The following CEP250 variants were observed in gnomAD, a reference collection of about 807,000 sequenced individuals.
The protein encoded by CEP250 is centrosomal protein 250, also known as centrosome-associated protein CEP250.
Under a neutral mutation model 315.7 loss-of-function variants are expected in CEP250, and 242 were observed. The observed-to-expected ratio is 0.77, with a 90% CI of 0.69 to 0.85. CEP250 has a LOEUF of 0.85. CEP250 is among the 40% of genes least tolerant of loss of function. The pLI, the probability that CEP250 is intolerant of heterozygous loss-of-function variation, is 0.00. For synonymous variants in CEP250, 1,088 were observed against 1,175.0 expected, an observed-to-expected ratio of 0.93 and a Z score of 1.51; for missense variants, 2,515 against 2,886.4, an observed-to-expected ratio of 0.87 and a Z score of 2.95.
chr20:35,491,550 C>G (rs1189002114), intron 22 of CEP250, among the ~76,000 whole-genome samples: 1 of 152,004 alleles, frequency 6.6e-6, no homozygotes, highest in Non-Finnish European at 1.5e-5. Context: ...GGGTGGATCA[C>G]CTAAGGTCAG....
At position 35,504,487 on chromosome 20, in the gene CEP250, C is replaced by G. The variant is rs1336509802; in HGVS notation, c.6118C>G (p.Leu2040Val). 1.2e-6 allele frequency: 2 copies of G among 1,613,594 alleles called. No homozygotes were observed. Among genetic ancestry groups the G allele is most frequent in the Non-Finnish European group, 1.7e-6 (2 of 1,179,832 alleles). ...DLRYQEDVQQ[L>V]QQALAQRDEE... is the part of the protein sequence containing the mutation. Reference sequence around the variant, plus strand: ...CCGATACCAGGAGGATGTGCAGCAGCTGCAGCAGGCACTTGCCCAGAGGGA... The same window carrying G: ...CCGATACCAGGAGGATGTGCAGCAGGTGCAGCAGGCACTTGCCCAGAGGGA... Residue 2040 changes from leucine to valine, a missense_variant, in exon 30 of 35, where the codon CTG (leucine) becomes GTG (valine). Physicochemically the swap from Leu to Val is conservative, Grantham distance 32. Coordinates refer to ENST00000397527, the MANE Select transcript of CEP250 (RefSeq NM_007186.6).
Position 35,503,740 on chromosome 20 carries a change from A to C in CEP250, c.5371A>C (p.Arg1791=). The C allele has an allele frequency of 1.2e-6, 2 of 1,614,058 alleles. No homozygotes were observed. The highest frequency in any genetic ancestry group is 1.7e-6 in the Non-Finnish European group (2 of 1,180,022). ...VVLQQQLQEA[R]EQGELKEQSL... ...CCTGCAGCAGCAACTGCAGGAAGCC[A>C]GGGAACAAGGGGAGCTGAAGGAGCA... is the stretch of plus-strand genomic sequence containing the variant. Residue 1791 remains arginine (R), a synonymous_variant, in exon 30 of 35, where the codon AGG becomes CGG. Coordinates refer to ENST00000397527, the MANE Select transcript of CEP250 (RefSeq NM_007186.6). This position sits in a 1 kb window ranked among gnomAD's most constrained non-coding sequence, Gnocchi z 4.2.
At position 35,503,204 on chromosome 20, in the gene CEP250, A is replaced by G. The variant is rs142362041; in HGVS notation, c.4835A>G (p.His1612Arg). Residue 1612 changes from histidine to arginine, a missense_variant, in exon 30 of 35, where the codon CAT becomes CGT. By Grantham distance (29) the His-to-Arg change is conservative (BLOSUM62 0). Coordinates refer to ENST00000397527, the MANE Select transcript of CEP250 (RefSeq NM_007186.6). The surrounding 1 kb of genome is among the most constrained non-coding windows in gnomAD (Gnocchi z 4.2). ...QELQAQSSQI[H>R]DLESHSTVLA... The stretch of plus-strand genomic sequence containing the variant: ...CTGCAGGCACAAAGCAGCCAGATCC[A>G]TGACCTGGAGAGCCACAGCACCGTT... 1.2e-6 allele frequency: 2 copies of G among 1,614,176 alleles called. No individual in the cohort carries two copies. The highest frequency in any genetic ancestry group is 8.5e-7 in the Non-Finnish European group (1 of 1,179,990).
chr20:35,493,024 G>A (rs1208210000), intron 22 of CEP250, among the ~76,000 whole-genome samples: 1 of 152,026 alleles, frequency 6.6e-6, no homozygotes, highest in Non-Finnish European at 1.5e-5. Context: ...CACCGCGCCT[G>A]GGCAGTTGGA....
chr20:35,483,570 A>G (rs1033531276), intron 20 of CEP250, among the ~76,000 whole-genome samples: 2 of 148,894 alleles, frequency 1.3e-5, no homozygotes, highest in Non-Finnish European at 3.0e-5. Flanking sequence ...GGGTCTTGCT[A>G]TGTTATCCAG....
Position 35,503,564 on chromosome 20 carries a change from G to C in CEP250, c.5195G>C (p.Arg1732Pro), listed in dbSNP as rs775863903. 1 of 1,614,010 alleles carries C rather than the reference G, an allele frequency of 6.2e-7. No individual in the cohort carries two copies. Among genetic ancestry groups the C allele is most frequent in the Non-Finnish European group, 8.5e-7 (1 of 1,180,028 alleles). Reference sequence around the variant, plus strand: ...CTAGAGCACATGAAGCTGATCCTGCGTGATAAGGAGAAGGAGGTGGAATGT... The same window carrying C: ...CTAGAGCACATGAAGCTGATCCTGCCTGATAAGGAGAAGGAGGTGGAATGT... ...GSLEHMKLIL[R>P]DKEKEVECQQ... Residue 1732 changes from arginine (R) to proline (P), a missense_variant, in exon 30 of 35, where the codon CGT becomes CCT. Arg to Pro is a moderately radical substitution (Grantham distance 103, BLOSUM62 -2). Coordinates refer to ENST00000397527, the MANE Select transcript of CEP250 (RefSeq NM_007186.6). The surrounding 1 kb of genome is among the most constrained non-coding windows in gnomAD (Gnocchi z 4.2).
intron 34 of CEP250, 65 bp downstream of exon 34, chr20:35,510,119 G>T (rs1167172225): frequency 1.4e-6 from 2 of 1,456,498 alleles, no homozygotes; most frequent in Non-Finnish European, 9.6e-7. Flanking sequence ...TGCACCTCCA[G>T]CAGGGAGAGG....
At chr20:35,463,666 C>T (rs1212473919) in intron 5 of CEP250, 35 bp downstream of exon 5, 1 of 1,566,322 alleles carries the variant, frequency 6.4e-7, no homozygotes. Context: ...CCCCCTGGGT[C>T]CTCAGTGAAT....
At chr20:35,511,337 T>A (rs1236509875) in intron 34 of CEP250, 26 bp from the exon 35 acceptor site, 1 of 1,153,232 alleles carries the variant, frequency 8.7e-7, no homozygotes, top group South Asian at 1.7e-5. Flanking sequence ...CTGCTCTCGC[T>A]TTTTTTTTTT....
chr20:35,457,103 G>C (rs2062647792), intron 1 of CEP250, among the ~76,000 whole-genome samples: 1 of 151,990 alleles, frequency 6.6e-6, no homozygotes, highest in South Asian at 2.1e-4. Flanking sequence ...TTTTTATATA[G>C]GTAATAGAGC....
In CEP250 at chr20:35,470,498, C is replaced by T. The variant is rs143883968; in HGVS notation, c.948+512C>T. 5.3e-3 allele frequency among the ~76,000 whole-genome samples: 802 copies of T among 152,258 alleles called. 1 individual carries two copies. The highest frequency in any genetic ancestry group is 0.019 in the African/African-American group (774 of 41,550). ...GGCGCGGTGGCTCACGCCTGTAATC[C>T]CAGCACTATGGGAAGCTGAGGCAGG... On this transcript the variant is annotated intron_variant, in intron 10 of 34. Coordinates refer to ENST00000397527, the MANE Select transcript of CEP250 (RefSeq NM_007186.6).
chr20:35,456,531 G>T (rs946093445), intron 1 of CEP250, among the ~76,000 whole-genome samples: 2 of 152,170 alleles, frequency 1.3e-5, no homozygotes, highest in African/African-American at 2.4e-5. Flanking sequence ...CTACTGGTAC[G>T]CCCTCTGTTC....
rs2236160 is a variant in CEP250, at chr20:35,513,992, A to C, written c.*2366A>C. ...CACTCGAGCTTGTGGATGATCTTCC[A>C]CTCCGGCTTTCTAAAGTACACTTTC... On this transcript the variant is annotated 3_prime_UTR_variant, in exon 35 of 35. Coordinates refer to ENST00000397527, the MANE Select transcript of CEP250 (RefSeq NM_007186.6). The C allele has an allele frequency of 6.6e-6, 1 of 152,012 alleles. No individual in the cohort carries two copies. The highest frequency in any genetic ancestry group is 2.4e-5 in the African/African-American group (1 of 41,382). 9.4% of individuals were successfully genotyped at this position (152,012 alleles called of 1,614,324 possible). A position where few individuals can be genotyped will look rare whatever the true frequency, so the allele number is the denominator to read the frequency against.
At chr20:35,475,719 C>T in intron 15 of CEP250, 73 bp downstream of exon 15, 1 of 1,509,384 alleles carries the variant, frequency 6.6e-7, no homozygotes, top group African/African-American at 1.4e-5. Context: ...CTGCCTCATT[C>T]TTCACCTTCA....
At chr20:35,479,008 G>A (rs2146871280) in intron 17 of CEP250, among the ~76,000 whole-genome samples, 1 of 152,282 alleles carries the variant, frequency 6.6e-6, no homozygotes, top group South Asian at 2.1e-4. Context: ...GTCTTCTGCT[G>A]TCCCTAGCAC....
At chr20:35,483,901 T>C (rs1208334143) in intron 20 of CEP250, among the ~76,000 whole-genome samples, 1 of 152,226 alleles carries the variant, frequency 6.6e-6, no homozygotes, top group East Asian at 1.9e-4. Flanking sequence ...AATTTCACTT[T>C]TTAAATTTTT....
chr20:35,498,747 CTT>C lies in CEP250; in HGVS notation c.3777+33_3777+34del, dbSNP rs768540363. The C allele has an allele frequency of 2.6e-6, 4 of 1,529,872 alleles. No individual in the cohort carries two copies. In the East Asian group the frequency reaches 9.8e-5, roughly 37 times the overall value. The allele number at this position is 1,529,872 out of a possible 1,614,324, so 94.8% of individuals were successfully genotyped here. A position where few individuals can be genotyped will look rare whatever the true frequency, so the allele number is the denominator to read the frequency against. ...TTTCTCTGCTCCCCTTTCCCGAACTCTTTACATCCCTGGAAAAGCATGAGGCA... is the reference window on the plus strand; with the variant it reads ...TTTCTCTGCTCCCCTTTCCCGAACTCTACATCCCTGGAAAAGCATGAGGCA... On this transcript the variant is annotated intron_variant, in intron 27 of 34. Transcript: ENST00000397527.
Position 35,493,589 on chromosome 20 carries a change from C to T in CEP250, c.3033+17C>T. On this transcript the variant is annotated intron_variant, in intron 23 of 34. Transcript: ENST00000397527. Reference sequence around the variant, plus strand: ...CAGAAGCAGGTCCCCTCCTCCTCCCCACCAAGTCCCATGGTCCTTCCCCAA... The same window carrying T: ...CAGAAGCAGGTCCCCTCCTCCTCCCTACCAAGTCCCATGGTCCTTCCCCAA... The T allele has an allele frequency of 2.0e-6, 3 of 1,514,394 alleles. No individual in the cohort carries two copies. The highest frequency in any genetic ancestry group is 2.4e-5 in the East Asian group (1 of 41,426). 93.8% of individuals were successfully genotyped at this position (1,514,394 alleles called of 1,614,324 possible).
chr20:35,492,955 T>C (rs541103145), intron 22 of CEP250, among the ~76,000 whole-genome samples: 1 of 152,312 alleles, frequency 6.6e-6, no homozygotes, highest in East Asian at 1.9e-4. Context: ...CTCAAACTTC[T>C]GACCTCAAGT....
Sources: gnomAD v4.1 joint callset for allele counts (sites outside exome capture counted in the v4.1 genomes callset) on GRCh38, gnomAD v4.1.1 for gene constraint, Gnocchi (gnomAD v3.1) non-coding constraint, MANE v1.5 for transcripts, NCBI Gene and HGNC (gene_info 2026-07-23, HGNC 2026-07-21) for gene names.